Variants in DZANK1 observed in about 807,000 individuals in gnomAD.
DZANK1 encodes double zinc ribbon and ankyrin repeat-containing protein 1.
In DZANK1, 91 loss-of-function variants were observed where a neutral mutation model predicts 94.5. That is an observed-to-expected ratio of 0.96 (90% CI 0.81 to 1.15). The LOEUF is 1.15. DZANK1 is among the 50% of genes most tolerant of loss of function. The probability of loss-of-function intolerance (pLI) is 0.00; values close to 1 mark genes in which losing one functional copy is unlikely to be tolerated. For missense variants in DZANK1, 903 were observed against 916.4 expected, an observed-to-expected ratio of 0.99 and a Z score of 0.19; for synonymous variants, 312 against 325.3, an observed-to-expected ratio of 0.96 and a Z score of 0.44.
At chr20:18,407,719 A>G (rs1250492686) in intron 13 of DZANK1, among the ~76,000 whole-genome samples, 1 of 152,238 alleles carries the variant, frequency 6.6e-6, no homozygotes, top group Non-Finnish European at 1.5e-5. Flanking sequence ...TAAATTTAAG[A>G]GAGTTTGCAA....
At position 18,449,078 on chromosome 20, in the gene DZANK1, A is replaced by G; in HGVS notation, c.544-9T>C. 1.9e-6 allele frequency: 3 copies of G among 1,610,354 alleles called. No individual in the cohort carries two copies. The highest frequency in any genetic ancestry group is 8.5e-7 in the Non-Finnish European group (1 of 1,176,724). The stretch of plus-strand genomic sequence containing the variant: ...TGTGCAAAACCGGGGGACTAAAATT[A>G]AGAATATAGGTATAAAGACAGAGTC... On this transcript the variant is annotated splice_polypyrimidine_tract_variant and intron_variant, in intron 6 of 20. Transcript: ENST00000262547.
intron 4 of DZANK1, 53 bp from the exon 5 acceptor site, chr20:18,453,880 T>G: frequency 9.2e-7 from 1 of 1,084,764 alleles, no homozygotes; most frequent in Non-Finnish European, 1.4e-6. Context: ...ATGTGAGAAT[T>G]AAAGCTGCAT....
In DZANK1 at chr20:18,420,300, C is replaced by T. The variant is rs536947033; in HGVS notation, c.955-4851G>A. The T allele has an allele frequency of 4.5e-5, 8 of 178,668 alleles. No homozygotes were observed. The South Asian group carries it at 1.1e-3, about 25-fold the overall frequency. 11.1% of individuals were successfully genotyped at this position (178,668 alleles called of 1,614,324 possible). On this transcript the variant is annotated intron_variant, in intron 10 of 20. Coordinates refer to ENST00000262547, the Ensembl canonical transcript of DZANK1. ...AGCATCCAGTTCAAGCTGCTGGCTC[C>T]GAAAATGCATGCTGAGTGCATGGAG...
At chr20:18,440,604 T>C (rs2058687335) in intron 8 of DZANK1, among the ~76,000 whole-genome samples, 1 of 152,182 alleles carries the variant, frequency 6.6e-6, no homozygotes, top group Non-Finnish European at 1.5e-5. Context: ...CAGGTGGTTG[T>C]GATGGGTTTA....
intron 13 of DZANK1, among the ~76,000 whole-genome samples, chr20:18,408,098 T>C (rs2057048975): frequency 6.6e-6 from 1 of 152,082 alleles, no homozygotes; most frequent in South Asian, 2.1e-4. Flanking sequence ...GGTGGATCAT[T>C]TGAGATCAGG....
intron 18 of DZANK1, 89 bp downstream of exon 18, chr20:18,390,290 G>C: frequency 8.1e-7 from 1 of 1,236,400 alleles, no homozygotes. Context: ...AATTTTCACA[G>C]TATTGAACAA....
At chr20:18,392,447 C>T (rs1234570199) in intron 17 of DZANK1, among the ~76,000 whole-genome samples, 1 of 152,164 alleles carries the variant, frequency 6.6e-6, no homozygotes, top group African/African-American at 2.4e-5. Flanking sequence ...GACAAGGCGG[C>T]GTTGAGGGCC....
chr20:18,395,292 G>C (rs34324874), intron 15 of DZANK1, among the ~76,000 whole-genome samples: 16,303 of 152,212 alleles, frequency 0.11, 1,533 homozygotes, highest in East Asian at 0.53. Flanking sequence ...ACCCAGGAGG[G>C]GGAGGTTTGC....
intron 2 of DZANK1, among the ~76,000 whole-genome samples, chr20:18,460,658 C>G (rs937179524): frequency 2.0e-5 from 3 of 151,606 alleles, no homozygotes; most frequent in African/African-American, 7.3e-5. Context: ...GAAACCGGGA[C>G]GCAGAACTTG....
chr20:18,452,626 G>T, exon 6 of DZANK1: 1 of 1,594,010 alleles, frequency 6.3e-7, no homozygotes, highest in Non-Finnish European at 8.6e-7. Flanking sequence ...TGGGACTGGC[G>T]GGTGGGTGGT....
At chr20:18,408,288 C>T (rs2057059271) in intron 13 of DZANK1, among the ~76,000 whole-genome samples, 1 of 152,148 alleles carries the variant, frequency 6.6e-6, no homozygotes, top group South Asian at 2.1e-4. Context: ...TGTATTCCAA[C>T]CTGGGGGACA....
chr20:18,461,698 C>G (rs568335868), intron 2 of DZANK1, among the ~76,000 whole-genome samples: 2 of 151,398 alleles, frequency 1.3e-5, no homozygotes, highest in Admixed American at 1.3e-4. Context: ...CTCCCGAGTT[C>G]AAGCGATTCT....
At chr20:18,430,242 T>G (rs557420796) in intron 9 of DZANK1, among the ~76,000 whole-genome samples, 3 of 152,170 alleles carry the variant, frequency 2.0e-5, no homozygotes, top group African/African-American at 7.2e-5. Context: ...GGTGGAGTTA[T>G]GGTTACACTG....
chr20:18,394,527 G>T, intron 15 of DZANK1, 177 bp from the exon 16 acceptor site: 2 of 716,842 alleles, frequency 2.8e-6, no homozygotes, highest in East Asian at 5.5e-5. Context: ...AGCATGCTTT[G>T]TCCGTTCTGC....
intron 13 of DZANK1, among the ~76,000 whole-genome samples, chr20:18,409,589 C>CCAA (rs1279459667): frequency 0.014 from 2,149 of 151,234 alleles, 20 homozygotes; most frequent in East Asian, 0.025. Context: ...CACACCACCA[C>CCAA]CACCACCATC....
At chr20:18,443,161 C>A (rs191573154) in intron 8 of DZANK1, among the ~76,000 whole-genome samples, 186 bp downstream of exon 8, 1 of 152,130 alleles carries the variant, frequency 6.6e-6, no homozygotes, top group African/African-American at 2.4e-5. Context: ...GCAGGCCACA[C>A]AAAAGACACA....
chr20:18,457,328 T>A (rs2059324582), intron 3 of DZANK1, among the ~76,000 whole-genome samples: 1 of 151,986 alleles, frequency 6.6e-6, no homozygotes, highest in African/African-American at 2.4e-5. Context: ...TACAAAAAAT[T>A]AGCTGGGTTG....
chr20:18,455,861 T>C (rs1601162050), intron 3 of DZANK1, among the ~76,000 whole-genome samples: 1 of 152,170 alleles, frequency 6.6e-6, no homozygotes, highest in African/African-American at 2.4e-5. Context: ...AAGCCTCAGG[T>C]AGTCAGACTT....
intron 2 of DZANK1, among the ~76,000 whole-genome samples, chr20:18,462,874 G>T (rs2059520079): frequency 6.7e-6 from 1 of 148,830 alleles, no homozygotes; most frequent in Admixed American, 6.8e-5. Flanking sequence ...GGAGGCGGAG[G>T]TTGCAGTGAC....
Sources: gnomAD v4.1 joint callset for allele counts (sites outside exome capture counted in the v4.1 genomes callset) on GRCh38, gnomAD v4.1.1 for gene constraint, MANE v1.5 for transcripts, NCBI Gene and HGNC (gene_info 2026-07-23, HGNC 2026-07-21) for gene names.